TRPC5: variants seen among roughly 807,000 people sequenced by gnomAD.
TRPC5 encodes the protein transient receptor potential cation channel subfamily C member 5.
A neutral mutation model predicts 56.5 loss-of-function variants in TRPC5; 9 were observed. The ratio of observed to expected loss-of-function variants is 0.16; its 90% CI spans 0.10 to 0.28. TRPC5 has a LOEUF of 0.28. Among genes scored for constraint, TRPC5 ranks in the 10% least tolerant of loss-of-function variants. The pLI is 1.00. For missense variants in TRPC5, 469 were observed against 748.9 expected (o/e 0.63, Z 4.36); for synonymous variants, 282 against 278.5 (o/e 1.01, Z -0.13).
chrX:111,877,036 C>T (rs186913141), intron 3 of TRPC5, among the ~76,000 whole-genome samples: 12 of 111,503 alleles, frequency 1.1e-4, no homozygotes, highest in African/African-American at 3.6e-4. Context: ...TGGATGATCA[C>T]ATTTGTGTTT....
intron 7 of TRPC5, among the ~76,000 whole-genome samples, chrX:111,787,469 G>T (rs1278441591): frequency 9.1e-6 from 1 of 109,781 alleles, no homozygotes; most frequent in Non-Finnish European, 1.9e-5. Context: ...GATCTAAAAT[G>T]GACACCCTAA....
chrX:111,867,632 A>G (rs1923586102), intron 3 of TRPC5, among the ~76,000 whole-genome samples: 1 of 111,840 alleles, frequency 8.9e-6, no homozygotes, highest in Non-Finnish European at 1.9e-5. Context: ...GAACACTTCT[A>G]TATATGTCAT....
intron 7 of TRPC5, among the ~76,000 whole-genome samples, chrX:111,793,724 C>T (rs1325685385): frequency 1.8e-5 from 2 of 111,825 alleles, no homozygotes; most frequent in Admixed American, 9.6e-5. Context: ...GAAATGAAAA[C>T]GTATCTCCAC....
intron 1 of TRPC5, among the ~76,000 whole-genome samples, chrX:112,064,241 C>G (rs945479825): frequency 8.9e-6 from 1 of 111,954 alleles, no homozygotes; most frequent in African/African-American, 3.3e-5. Context: ...ATTTGATCCT[C>G]ACAACTTTCT....
At chrX:112,038,169 G>A in intron 1 of TRPC5, among the ~76,000 whole-genome samples, 1 of 111,589 alleles carries the variant, frequency 9.0e-6, no homozygotes, top group Admixed American at 9.5e-5. Flanking sequence ...GCAAGAGATG[G>A]AGCTTTTGAA....
rs1369729374 is a variant in TRPC5, at chrX:111,770,472, AATG to A, written c.*5838_*5840del. ...ATTTTTTGAATTTCATTAAAGGAGA[AATG>A]ATGATGCTAATGTTTTAATTAACCA... is the stretch of plus-strand genomic sequence containing the variant. On this transcript the variant is annotated 3_prime_UTR_variant, in exon 11 of 11. Coordinates refer to ENST00000262839, the MANE Select transcript of TRPC5 (RefSeq NM_012471.3). 8.9e-6 allele frequency among the ~76,000 whole-genome samples: 1 copy of A among 112,185 alleles called. No individual in the cohort carries two copies. The highest frequency in any genetic ancestry group is 1.9e-5 in the Non-Finnish European group (1 of 53,222).
chrX:112,021,211 C>G (rs781647219), intron 1 of TRPC5, among the ~76,000 whole-genome samples: 3 of 110,789 alleles, frequency 2.7e-5, no homozygotes, highest in Non-Finnish European at 5.7e-5. Flanking sequence ...TCTTCCCCAT[C>G]CTTACATATA....
chrX:112,037,440 C>T (rs902421481), intron 1 of TRPC5, among the ~76,000 whole-genome samples: 1 of 111,925 alleles, frequency 8.9e-6, no homozygotes, highest in African/African-American at 3.2e-5. Flanking sequence ...CTTGTACTGG[C>T]TACTTCCTCT....
chrX:112,034,183 G>T (rs1031604184), intron 1 of TRPC5, among the ~76,000 whole-genome samples: 1 of 111,468 alleles, frequency 9.0e-6, no homozygotes, highest in East Asian at 2.8e-4. Context: ...CATTGATTTT[G>T]ATATAAATTG....
At position 111,853,757 on chromosome X, in the gene TRPC5, C is replaced by G; in HGVS notation, c.1237+13G>C. 2.5e-6 allele frequency: 3 copies of G among 1,204,912 alleles called. No homozygotes were observed. In the East Asian group the frequency reaches 8.9e-5, roughly 36 times the overall value. ...AGGCAGTCTGGCCATAGGTCCTGGT[C>G]CCTTTGACTTACCTAGAACCCAAGG... On this transcript the variant is annotated intron_variant, in intron 4 of 10. Transcript: ENST00000262839.
chrX:111,826,208 G>A (rs1922232159), intron 7 of TRPC5, among the ~76,000 whole-genome samples: 1 of 112,089 alleles, frequency 8.9e-6, no homozygotes, highest in Non-Finnish European at 1.9e-5. Flanking sequence ...TAGTGCTATT[G>A]TTTTACTCAT....
At chrX:111,980,528 A>T (rs897659663) in intron 1 of TRPC5, among the ~76,000 whole-genome samples, 3 of 111,699 alleles carry the variant, frequency 2.7e-5, no homozygotes, top group African/African-American at 9.7e-5. Flanking sequence ...ATTTGAATTC[A>T]GATTAATCAA....
chrX:111,897,715 C>A (rs1242721767), intron 3 of TRPC5, among the ~76,000 whole-genome samples: 2 of 111,363 alleles, frequency 1.8e-5, no homozygotes, highest in African/African-American at 6.5e-5. Flanking sequence ...TCAGTAGTGC[C>A]TTTCTTTTTA....
chrX:111,987,895 CTACTT>C (rs3032481), intron 1 of TRPC5, among the ~76,000 whole-genome samples: 15 of 112,355 alleles, frequency 1.3e-4, no homozygotes, highest in Admixed American at 1.0e-3. Context: ...AGAGGGCACT[CTACTT>C]TACTCATTCT....
chrX:111,849,631 G>C (rs904497385), intron 5 of TRPC5, among the ~76,000 whole-genome samples: 2 of 112,428 alleles, frequency 1.8e-5, no homozygotes, highest in African/African-American at 6.5e-5. Context: ...AGCCAAAGTG[G>C]AGACTTAGAA....
chrX:111,793,551 C>A (rs987355916), intron 7 of TRPC5, among the ~76,000 whole-genome samples: 1 of 111,477 alleles, frequency 9.0e-6, no homozygotes, highest in Non-Finnish European at 1.9e-5. Context: ...CAGATAATAA[C>A]AACTGTTTGT....
At chrX:111,984,314 A>G (rs1255002750) in intron 1 of TRPC5, among the ~76,000 whole-genome samples, 1 of 111,801 alleles carries the variant, frequency 8.9e-6, no homozygotes, top group African/African-American at 3.2e-5. Context: ...AGAAGCTTGC[A>G]CAGCAGCCTG....
chrX:111,988,706 T>A (rs1446897421), intron 1 of TRPC5, among the ~76,000 whole-genome samples: 1 of 111,141 alleles, frequency 9.0e-6, no homozygotes, highest in Non-Finnish European at 1.9e-5. Flanking sequence ...GACCTCAAGG[T>A]GCATATGATT....
intron 1 of TRPC5, among the ~76,000 whole-genome samples, chrX:112,041,425 G>T (rs184830033): frequency 8.9e-6 from 1 of 112,169 alleles, no homozygotes; most frequent in Non-Finnish European, 1.9e-5. Context: ...CAGACACCAT[G>T]TTATGTGTTT....
Sources: gnomAD v4.1 joint callset for allele counts (sites outside exome capture counted in the v4.1 genomes callset) on GRCh38, gnomAD v4.1.1 for gene constraint, MANE v1.5 for transcripts, NCBI Gene and HGNC (gene_info 2026-07-23, HGNC 2026-07-21) for gene names.